TNC: variants seen among roughly 807,000 people sequenced by gnomAD.
TNC encodes the protein tenascin C.
In TNC, 109 loss-of-function variants were observed where a neutral mutation model predicts 202.4. That is an observed-to-expected ratio of 0.54 (90% CI 0.46 to 0.63). The LOEUF is 0.63. Among genes scored for constraint, TNC ranks in the 30% least tolerant of loss-of-function variants. TNC has a pLI of 0.00. For synonymous variants in TNC, 1,007 were observed against 1,089.7 expected, an observed-to-expected ratio of 0.92 and a Z score of 1.50; for missense variants, 2,756 against 2,833.3, an observed-to-expected ratio of 0.97 and a Z score of 0.62.
chr9:115,062,417 G>T (rs993214113), intron 13 of TNC, among the ~76,000 whole-genome samples: 13 of 151,928 alleles, frequency 8.6e-5, no homozygotes, highest in African/African-American at 3.1e-4. Context: ...GACCAGGCTG[G>T]GCAAAATGGT....
intron 15 of TNC, among the ~76,000 whole-genome samples, chr9:115,049,834 CA>C (rs2132226870): frequency 6.6e-6 from 1 of 152,092 alleles, no homozygotes; most frequent in East Asian, 1.9e-4. Flanking sequence ...ATCCATGAGA[CA>C]TAAAGAAAAA....
intron 1 of TNC, among the ~76,000 whole-genome samples, chr9:115,103,792 A>G (rs1285540444): frequency 6.6e-6 from 1 of 152,190 alleles, no homozygotes; most frequent in Non-Finnish European, 1.5e-5. Context: ...AGTTTGGCTT[A>G]AGCATTGGTG....
chr9:115,035,450 C>T, intron 21 of TNC, 116 bp from the exon 22 acceptor site: 2 of 1,127,582 alleles, frequency 1.8e-6, no homozygotes, highest in Non-Finnish European at 2.5e-6. Flanking sequence ...AACTACGTGA[C>T]CTTTGGCAAG....
rs1442920771 is a variant in TNC at position 115,073,812 on chromosome 9, G to A, written c.3005C>T (p.Thr1002Ile). The change falls in exon 10 of 28, where the codon ACC becomes ATC. Residue 1002 changes from threonine to isoleucine, a missense_variant. By Grantham distance (89) the Thr-to-Ile change is moderately conservative. Coordinates refer to ENST00000350763, the MANE Select transcript of TNC (RefSeq NM_002160.4). ...QVSETAETSL[T>I]LLWKTPLAKF... Reference sequence around the variant, plus strand: ...GGCCAACGGTGTCTTCCAGAGCAGGGTCAGGCTGGTCTCTGCAGTTTCAGA... The same window carrying A: ...GGCCAACGGTGTCTTCCAGAGCAGGATCAGGCTGGTCTCTGCAGTTTCAGA... 6.2e-7 allele frequency: 1 copy of A among 1,613,770 alleles called. No individual in the cohort carries two copies. The highest frequency in any genetic ancestry group is 8.5e-7 in the Non-Finnish European group (1 of 1,179,998).
At position 115,086,848 on chromosome 9, in the gene TNC, C is replaced by A; in HGVS notation, c.883G>T (p.Val295Leu). The change falls in exon 3 of 28, where the codon GTG becomes TTG. Residue 295 changes from valine to leucine, a missense_variant. Val to Leu is a conservative substitution (Grantham distance 32, BLOSUM62 1). Around this residue, in one of 2 missense-constraint regions of TNC, gnomAD observed 2,559 missense variants for 2,546.0 expected, o/e 1.01. Coordinates refer to ENST00000350763, the MANE Select transcript of TNC (RefSeq NM_002160.4). ...LNNCYNRGRC[V>L]ENECVCDEGF... is the part of the protein sequence containing the mutation. ...TCATCACACACGCACTCATTCTCCA[C>A]GCATCGTCCACGGTTGTAGCAATTG... The A allele has an allele frequency of 6.2e-7, 1 of 1,614,022 alleles. No homozygotes were observed. Among genetic ancestry groups the A allele is most frequent in the South Asian group, 1.1e-5 (1 of 91,072 alleles).
At chr9:115,045,797 CAA>C (rs1330433740) in intron 17 of TNC, among the ~76,000 whole-genome samples, 1 of 151,618 alleles carries the variant, frequency 6.6e-6, no homozygotes, top group African/African-American at 2.4e-5. Context: ...TTATGAGTAT[CAA>C]AGTTAGAGAG....
chr9:115,095,204 A>G (rs1564137095), intron 1 of TNC, among the ~76,000 whole-genome samples: 1 of 151,774 alleles, frequency 6.6e-6, no homozygotes, highest in Admixed American at 6.6e-5. Context: ...GCATGAGATA[A>G]TGTATGCGAA....
rs3215885 is a variant in TNC, at chr9:115,035,080, A to AT, written c.5787+123dup. On this transcript the variant is annotated intron_variant, in intron 22 of 27. Transcript: ENST00000350763. Reference sequence around the variant, plus strand: ...CTGGCATGCCATCCAGTCTCTACTAATTTTTTTTTTCAGCTCCCCAGATGC... The same window carrying AT: ...CTGGCATGCCATCCAGTCTCTACTAATTTTTTTTTTTCAGCTCCCCAGATGC... 0.64 allele frequency: 546,605 copies of AT among 849,142 alleles called. 154,607 individuals carry two copies. The highest frequency in any genetic ancestry group is 0.89 in the African/African-American group (47,796 of 53,772). The allele number at this position is 849,142 out of a possible 1,614,324, so 52.6% of individuals were successfully genotyped here. A position where few individuals can be genotyped will look rare whatever the true frequency, so the allele number is the denominator to read the frequency against.
rs1235884890 is a variant in TNC at position 115,038,408 on chromosome 9, G to A, written c.5393-28C>T. 1.9e-6 allele frequency: 3 copies of A among 1,611,686 alleles called. No homozygotes were observed. The South Asian group carries it at 3.3e-5, about 18-fold the overall frequency. ...GCAAAGAAAGATGGTGGACAGGAGG[G>A]AAGTCATTGGGTGGGACATCAGACT... On this transcript the variant is annotated intron_variant, in intron 19 of 27. Coordinates refer to ENST00000350763, the MANE Select transcript of TNC (RefSeq NM_002160.4).
chr9:115,046,763 T>C, intron 16 of TNC, 81 bp from the exon 17 acceptor site: 3 of 1,499,060 alleles, frequency 2.0e-6, no homozygotes, highest in Non-Finnish European at 2.7e-6. Context: ...CCAGTAGGGG[T>C]ATCAATATGT....
chr9:115,055,514 C>T (rs1335603539), intron 15 of TNC: 1 of 107,426 alleles, frequency 9.3e-6, no homozygotes, highest in Admixed American at 7.9e-5. Flanking sequence ...AGCACGCTGC[C>T]CGCCAATCAG....
At chr9:115,078,848 A>C (rs532896740) in intron 6 of TNC, among the ~76,000 whole-genome samples, 11 of 152,210 alleles carry the variant, frequency 7.2e-5, no homozygotes, top group African/African-American at 2.7e-4. Flanking sequence ...CTCTGGAAGC[A>C]CATTATGCTG....
rs765385398 is a variant in TNC at position 115,059,832 on chromosome 9, C to T, written c.4204G>A (p.Val1402Met). ...GCAGCCTCGAGGCCCGGGATGTCCA[C>T]AGCCCTGAGGCTGCCAGGCAACGTG... ...NLTLPGSLRAVDIPGLEAATP... is the reference protein window; with the variant it reads ...NLTLPGSLRAMDIPGLEAATP... Residue 1402 changes from valine to methionine, a missense_variant, in exon 14 of 28, where the codon GTG becomes ATG. By Grantham distance (21) the Val-to-Met change is conservative. Coordinates refer to ENST00000350763, the MANE Select transcript of TNC (RefSeq NM_002160.4). 1 of 1,614,152 alleles carries T rather than the reference C, an allele frequency of 6.2e-7. No individual in the cohort carries two copies. The highest frequency in any genetic ancestry group is 1.1e-5 in the South Asian group (1 of 91,080).
intron 19 of TNC, among the ~76,000 whole-genome samples, chr9:115,039,845 T>G (rs1361022976): frequency 6.6e-6 from 1 of 152,198 alleles, no homozygotes; most frequent in Non-Finnish European, 1.5e-5. Flanking sequence ...CCGTGGAGAA[T>G]CCACTGATGA....
At chr9:115,029,177 T>C (rs2131623155) in intron 25 of TNC, among the ~76,000 whole-genome samples, 183 bp downstream of exon 25, 1 of 152,254 alleles carries the variant, frequency 6.6e-6, no homozygotes, top group East Asian at 1.9e-4. Context: ...TGGTTTACAT[T>C]TTGATGATTC....
At chr9:115,116,133 C>A (rs527876770) in intron 1 of TNC, among the ~76,000 whole-genome samples, 43 of 152,148 alleles carry the variant, frequency 2.8e-4, no homozygotes, top group Non-Finnish European at 5.1e-4. Flanking sequence ...ATATGAATGA[C>A]AAAGTTGAGG....
At position 115,086,970 on chromosome 9, in the gene TNC, A is replaced by T; in HGVS notation, c.761T>A (p.Val254Glu). 1 of 1,614,190 alleles carries T rather than the reference A, an allele frequency of 6.2e-7. No individual in the cohort carries two copies. The highest frequency in any genetic ancestry group is 8.5e-7 in the Non-Finnish European group (1 of 1,180,038). The change falls in exon 3 of 28, where the codon GTG becomes GAG. Residue 254 changes from valine (V) to glutamate (E), a missense_variant. Physicochemically the swap from Val to Glu is moderately radical, Grantham distance 121 (BLOSUM62 -2). This residue lies in a region of TNC where 2,559 missense variants were observed against 2,546.0 expected (regional missense o/e 1.01). Transcript: ENST00000350763. ...GADCSREICP[V>E]PCSEEHGTCV... ...TGTGCCGTGCTCCTCACTGCAGGGC[A>T]CTGGGCAGATTTCACGGCTGCAGTC...
At chr9:115,052,914 T>C (rs1442660929) in intron 15 of TNC, 5 of 702,770 alleles carry the variant, frequency 7.1e-6, no homozygotes, top group South Asian at 5.9e-5. Context: ...CTCACATTGA[T>C]AACAATCTTT....
chr9:115,040,374 A>T (rs1474018099), intron 19 of TNC, among the ~76,000 whole-genome samples: 1 of 152,158 alleles, frequency 6.6e-6, no homozygotes, highest in Non-Finnish European at 1.5e-5. Flanking sequence ...AATAGAGAGG[A>T]GCTGTTTTGT....
Sources: gnomAD v4.1 joint callset for allele counts (sites outside exome capture counted in the v4.1 genomes callset) on GRCh38, gnomAD v4.1.1 for gene constraint, gnomAD v4.1.1 regional missense constraint, MANE v1.5 for transcripts, NCBI Gene and HGNC (gene_info 2026-07-23, HGNC 2026-07-21) for gene names.